The following FANCA variants were observed in gnomAD, a reference collection of about 807,000 sequenced individuals.
FANCA encodes the protein Fanconi anemia group A protein.
Under a neutral mutation model 194.3 loss-of-function variants are expected in FANCA, and 236 were observed. That is an observed-to-expected ratio of 1.21 (90% CI 1.09 to 1.35). The LOEUF is 1.35. FANCA is among the 40% of genes most tolerant of loss of function. The pLI is 0.00. For missense variants in FANCA, 2,628 were observed against 1,813.9 expected (o/e 1.45, Z -8.15); for synonymous variants, 1,014 against 715.8 (o/e 1.42, Z -6.65).
intron 29 of FANCA, among the ~76,000 whole-genome samples, 188 bp from the exon 30 acceptor site, chr16:89,758,893 G>C (rs2038851324): frequency 6.6e-6 from 1 of 152,122 alleles, no homozygotes; most frequent in Non-Finnish European, 1.5e-5. Flanking sequence ...TGGGGATGTG[G>C]GAAAGGCCTG....
chr16:89,746,427 G>A (rs1403898549), intron 35 of FANCA, among the ~76,000 whole-genome samples, 157 bp downstream of exon 35: 1 of 150,404 alleles, frequency 6.6e-6, no homozygotes, highest in African/African-American at 2.5e-5. Flanking sequence ...CATCTGCTAT[G>A]AGCTGGCATC....
intron 8 of FANCA, among the ~76,000 whole-genome samples, chr16:89,800,313 C>G (rs2040400338): frequency 6.6e-6 from 1 of 152,210 alleles, no homozygotes; most frequent in African/African-American, 2.4e-5. Context: ...TTGTCCATTT[C>G]CCTTCTTCAC....
At chr16:89,786,179 CG>C (rs1241723585) in intron 14 of FANCA, among the ~76,000 whole-genome samples, 7 of 103,818 alleles carry the variant, frequency 6.7e-5, no homozygotes, top group African/African-American at 2.4e-4. Context: ...CCACCAAGCC[CG>C]GTTTTTTTTT....
chr16:89,756,220 C>CA (rs769536333), intron 30 of FANCA, among the ~76,000 whole-genome samples: 49 of 151,712 alleles, frequency 3.2e-4, no homozygotes, highest in Non-Finnish European at 5.3e-4. Flanking sequence ...CAGATTTCTC[C>CA]AAAAAAAATC....
chr16:89,805,243 G>C, intron 7 of FANCA, 37 bp downstream of exon 7: 1 of 1,527,098 alleles, frequency 6.5e-7, no homozygotes, highest in Non-Finnish European at 9.1e-7. Flanking sequence ...ATCAAAATGA[G>C]TTTTACCCAA....
chr16:89,787,952 C>T (rs972846741), intron 14 of FANCA, among the ~76,000 whole-genome samples: 2 of 151,846 alleles, frequency 1.3e-5, no homozygotes, highest in African/African-American at 2.4e-5. Flanking sequence ...TGGCTCACTG[C>T]AACCTGCGCG....
At chr16:89,816,358 G>C (rs2041124922) in intron 1 of FANCA, 179 bp downstream of exon 1, 1 of 349,840 alleles carries the variant, frequency 2.9e-6, no homozygotes, top group East Asian at 4.6e-5. Flanking sequence ...CCAGGCGCAG[G>C]AGGGGCCGGG....
At chr16:89,798,270 G>T in intron 10 of FANCA, 2 of 913,274 alleles carry the variant, frequency 2.2e-6, no homozygotes, top group Non-Finnish European at 2.6e-6. Context: ...AGCCTCCACT[G>T]CTGTGAGAAC....
At chr16:89,740,389 C>T in intron 38 of FANCA, 1 of 495,634 alleles carries the variant, frequency 2.0e-6, no homozygotes, top group East Asian at 3.6e-5. Flanking sequence ...CCTGTAATCC[C>T]AACACTTTGG....
intron 11 of FANCA, among the ~76,000 whole-genome samples, chr16:89,792,903 G>A (rs574464923): frequency 8.5e-5 from 13 of 152,314 alleles, no homozygotes; most frequent in African/African-American, 2.9e-4. Flanking sequence ...CAGAGAGGGA[G>A]AGGAGATAGA....
rs925559826 is a variant in FANCA, at chr16:89,778,798, T to C, written c.1826+3A>G. 1 of 1,613,954 alleles carries C rather than the reference T, an allele frequency of 6.2e-7. No individual in the cohort carries two copies. The highest frequency in any genetic ancestry group is 1.7e-5 in the Admixed American group (1 of 60,000). Reference sequence around the variant, plus strand: ...TCATCCCCTTCTAACCGTTGCTGCATACCTCTTCAGAGACTCTATAAACGC... The same window carrying C: ...TCATCCCCTTCTAACCGTTGCTGCACACCTCTTCAGAGACTCTATAAACGC... On this transcript the variant is annotated splice_donor_region_variant and intron_variant, in intron 20 of 42. Transcript: ENST00000389301.
chr16:89,748,861 G>A (rs2038482421), intron 32 of FANCA, 94 bp from the exon 33 acceptor site: 3 of 1,002,718 alleles, frequency 3.0e-6, no homozygotes, highest in Admixed American at 2.0e-5. Context: ...CCACCACCCT[G>A]AAACCCAGGG....
chr16:89,759,054 C>T (rs868390579), intron 29 of FANCA, among the ~76,000 whole-genome samples: 2 of 152,092 alleles, frequency 1.3e-5, no homozygotes, highest in Non-Finnish European at 2.9e-5. Context: ...GGTGCAGTGG[C>T]TCATGCCTGT....
chr16:89,780,183 G>A (rs1277521252), intron 17 of FANCA, among the ~76,000 whole-genome samples: 1 of 152,158 alleles, frequency 6.6e-6, no homozygotes, highest in Non-Finnish European at 1.5e-5. Flanking sequence ...ACACACACAA[G>A]GTTCAGACCC....
chr16:89,754,223 G>GA (rs745313216), intron 30 of FANCA, among the ~76,000 whole-genome samples: 71 of 110,760 alleles, frequency 6.4e-4, no homozygotes, highest in African/African-American at 8.4e-4. Context: ...CTCCGTCTCA[G>GA]AAAAAAAAAA....
chr16:89,796,703 C>CT (rs758769404), intron 10 of FANCA, among the ~76,000 whole-genome samples: 17 of 152,172 alleles, frequency 1.1e-4, no homozygotes, highest in Non-Finnish European at 1.5e-5. Context: ...GCAAGCGGCA[C>CT]TTTATGCCGA....
intron 32 of FANCA, among the ~76,000 whole-genome samples, chr16:89,749,390 AT>A (rs909155994): frequency 1.3e-5 from 2 of 151,714 alleles, no homozygotes; most frequent in African/African-American, 4.8e-5. Context: ...ATTTTTTTGT[AT>A]TTTTTTTGTA....
chr16:89,773,842 G>A (rs373547883), intron 21 of FANCA, among the ~76,000 whole-genome samples: 83 of 149,620 alleles, frequency 5.5e-4, no homozygotes, highest in South Asian at 4.2e-3. Flanking sequence ...GTGCGATCTC[G>A]GCTCACTGTA....
In FANCA at chr16:89,789,356, C is replaced by T. The variant is rs2039996255; in HGVS notation, c.1359+2047G>A. 2.0e-5 allele frequency among the ~76,000 whole-genome samples: 3 copies of T among 151,822 alleles called. No individual in the cohort carries two copies. The South Asian group carries it at 6.3e-4, about 32-fold the overall frequency. ...ACGATGGCGATGCAGGCACCGCAGC[C>T]CTTGAAAATTTCAGGGAGCTGAGAC... On this transcript the variant is annotated intron_variant, in intron 14 of 42. Transcript: ENST00000389301.
Sources: allele counts gnomAD v4.1 joint callset (sites outside exome capture counted in the v4.1 genomes callset), GRCh38; gene constraint gnomAD v4.1.1; transcripts MANE v1.5; gene names NCBI Gene and HGNC (gene_info 2026-07-23, HGNC 2026-07-21).